Variants in PRPF39 observed in about 807,000 individuals in gnomAD.
PRPF39 encodes the protein pre-mRNA processing factor 39.
A neutral mutation model predicts 82.1 loss-of-function variants in PRPF39; 27 were observed. The observed-to-expected ratio is 0.33, with a 90% CI of 0.24 to 0.45. The LOEUF (loss-of-function observed/expected upper bound fraction) is 0.45, where lower values mean the gene tolerates loss of function less well. Ranked by LOEUF, PRPF39 falls within the 20% of genes least tolerant of loss-of-function variation. The probability of loss-of-function intolerance (pLI) is 1.00; values close to 1 mark genes in which losing one functional copy is unlikely to be tolerated. For missense variants in PRPF39, 581 were observed against 796.9 expected, an observed-to-expected ratio of 0.73 and a Z score of 3.26; for synonymous variants, 261 against 256.4, an observed-to-expected ratio of 1.02 and a Z score of -0.17.
chr14:45,102,167 T>A (rs1056629543), intron 4 of PRPF39, among the ~76,000 whole-genome samples: 3 of 152,190 alleles, frequency 2.0e-5, no homozygotes, highest in Non-Finnish European at 4.4e-5. Context: ...TTGCCTCTCT[T>A]TAACTTCCTA....
intron 4 of PRPF39, among the ~76,000 whole-genome samples, chr14:45,099,508 G>T (rs940196351): frequency 2.6e-5 from 4 of 151,610 alleles, no homozygotes; most frequent in African/African-American, 7.3e-5. Flanking sequence ...GCAGTGGCTC[G>T]ATCTCGGCTC....
rs751166406 is a variant in PRPF39 at position 45,114,171 on chromosome 14, C to A, written c.1758-12C>A. 48 of 1,545,916 alleles carry A rather than the reference C, an allele frequency of 3.1e-5. 2 individuals are homozygous for A. The South Asian group carries it at 4.5e-4, about 14-fold the overall frequency. ...TGTATATTCCAGAGGATATTTTTTT[C>A]TTTCCTTTCAGGCTTCTGAATGCTT... On this transcript the variant is annotated splice_polypyrimidine_tract_variant and intron_variant, in intron 11 of 13. Coordinates refer to ENST00000355765, the MANE Select transcript of PRPF39 (RefSeq NM_017922.4).
At position 45,096,295 on chromosome 14, in the gene PRPF39, ATTTTTTTT is replaced by A. The variant is rs374922767; in HGVS notation, c.450+81_450+88del. 2,275 of 1,289,432 alleles carry A rather than the reference ATTTTTTTT, an allele frequency of 1.8e-3. 18 individuals are homozygous for A. In the African/African-American group the frequency reaches 0.028, roughly 16 times the overall value. 79.9% of individuals were successfully genotyped at this position (1,289,432 alleles called of 1,614,324 possible). A position where few individuals can be genotyped will look rare whatever the true frequency, so the allele number is the denominator to read the frequency against. On this transcript the variant is annotated intron_variant, in intron 3 of 13. Transcript: ENST00000355765. ...TAAGCCAATTAATAACAAAACAAAGATTTTTTTTTTTTTTTTTTTTTGGCTGGCAGTAC... is the reference window on the plus strand; with the variant it reads ...TAAGCCAATTAATAACAAAACAAAGATTTTTTTTTTTTTGGCTGGCAGTAC...
At chr14:45,092,369 G>A (rs1010217926) in intron 1 of PRPF39, among the ~76,000 whole-genome samples, 2 of 152,088 alleles carry the variant, frequency 1.3e-5, no homozygotes, top group Admixed American at 1.3e-4. Context: ...TTGGGAGGCC[G>A]AGGCAGGCGG....
intron 1 of PRPF39, among the ~76,000 whole-genome samples, chr14:45,085,152 G>A (rs1883781494): frequency 6.6e-6 from 1 of 152,124 alleles, no homozygotes; most frequent in South Asian, 2.1e-4. Context: ...TAGGCTGTAT[G>A]GGAGCTTGAA....
rs71412984 is a variant in PRPF39, at chr14:45,097,891, C to T, written c.569+886C>T. Among the ~76,000 whole-genome samples the T allele has an allele frequency of 3.7e-3, 563 of 152,248 alleles. 1 individual carries two copies. Among genetic ancestry groups the T allele is most frequent in the Non-Finnish European group, 5.9e-3 (398 of 68,004 alleles). On this transcript the variant is annotated intron_variant, in intron 4 of 13. Transcript: ENST00000355765. Reference sequence around the variant, plus strand: ...CTTGTAACAAAAAGTACCACCTCCACCTCCCTTCAAATATTTTAGCTCTTT... The same window carrying T: ...CTTGTAACAAAAAGTACCACCTCCATCTCCCTTCAAATATTTTAGCTCTTT...
chr14:45,095,598 A>G (rs760106849), intron 2 of PRPF39, 35 bp downstream of exon 2: 4 of 1,508,136 alleles, frequency 2.7e-6, no homozygotes, highest in Non-Finnish European at 1.8e-6. Flanking sequence ...AGAAGGGACA[A>G]ATTAATCAAG....
intron 13 of PRPF39, 110 bp downstream of exon 13, chr14:45,114,724 T>C (rs1412589176): frequency 1.4e-6 from 2 of 1,419,030 alleles, no homozygotes; most frequent in Admixed American, 4.3e-5. Context: ...ATACATTCTT[T>C]GGTGGTTAAG....
chr14:45,111,933 C>A (rs759100886), intron 10 of PRPF39, among the ~76,000 whole-genome samples: 1 of 151,990 alleles, frequency 6.6e-6, no homozygotes, highest in African/African-American at 2.4e-5. Context: ...CCACCACGCC[C>A]GGTTAAGATG....
At chr14:45,089,274 TGTA>T in intron 1 of PRPF39, among the ~76,000 whole-genome samples, 1 of 152,218 alleles carries the variant, frequency 6.6e-6, no homozygotes, top group East Asian at 1.9e-4. Context: ...AATTTTTACA[TGTA>T]GTATAAGACC....
chr14:45,112,567 TTGA>T (rs1884726956), intron 11 of PRPF39, 65 bp downstream of exon 11: 4 of 1,368,606 alleles, frequency 2.9e-6, no homozygotes, highest in African/African-American at 1.5e-5. Flanking sequence ...GTATGGGGAT[TTGA>T]TGATTAGTAT....
intron 4 of PRPF39, among the ~76,000 whole-genome samples, chr14:45,099,253 G>C (rs1475580578): frequency 6.6e-6 from 1 of 151,944 alleles, no homozygotes; most frequent in Non-Finnish European, 1.5e-5. Flanking sequence ...TTATTATTAT[G>C]GATATTCTTA....
Position 45,110,998 on chromosome 14 carries a change from T to C in PRPF39, c.1572+181T>C. ...AAAATTTTTTTCAAATTGTTTTGAATTAAAAGTTTTAGACATTAAGATTAT... is the reference window on the plus strand; with the variant it reads ...AAAATTTTTTTCAAATTGTTTTGAACTAAAAGTTTTAGACATTAAGATTAT... On this transcript the variant is annotated intron_variant, in intron 10 of 13. Coordinates refer to ENST00000355765, the MANE Select transcript of PRPF39 (RefSeq NM_017922.4). The surrounding 1 kb of genome is among the most constrained non-coding windows in gnomAD (Gnocchi z 4.0). 1.7e-6 allele frequency: 1 copy of C among 604,328 alleles called. No individual in the cohort carries two copies. Among genetic ancestry groups the C allele is most frequent in the Non-Finnish European group, 2.8e-6 (1 of 353,288 alleles). The allele number at this position is 604,328 out of a possible 1,614,324, so 37.4% of individuals were successfully genotyped here. A position where few individuals can be genotyped will look rare whatever the true frequency, so the allele number is the denominator to read the frequency against.
chr14:45,102,680 A>G lies in PRPF39; in HGVS notation c.721A>G (p.Ser241Gly), dbSNP rs773536497. ...RILGIPTQLY[S>G]HHFQRFKEHV... ...TCTTGGTATTCCAACACAGCTGTATAGTCATCATTTTCAGAGGTAGGTGGG... is the reference window on the plus strand; with the variant it reads ...TCTTGGTATTCCAACACAGCTGTATGGTCATCATTTTCAGAGGTAGGTGGG... Residue 241 changes from serine to glycine, a missense_variant, in exon 5 of 14, where the codon AGT becomes GGT. By Grantham distance (56) the Ser-to-Gly change is moderately conservative (BLOSUM62 0). Coordinates refer to ENST00000355765, the MANE Select transcript of PRPF39 (RefSeq NM_017922.4). 1 of 1,600,160 alleles carries G rather than the reference A, an allele frequency of 6.2e-7. No individual in the cohort carries two copies. Among genetic ancestry groups the G allele is most frequent in the Admixed American group, 1.8e-5 (1 of 55,968 alleles).
At chr14:45,090,413 A>G (rs1047038416) in intron 1 of PRPF39, among the ~76,000 whole-genome samples, 5 of 152,134 alleles carry the variant, frequency 3.3e-5, no homozygotes, top group African/African-American at 1.2e-4. Context: ...TCTTTTGTCC[A>G]TAATATGGCT....
At chr14:45,112,930 C>G (rs1323747637) in intron 11 of PRPF39, among the ~76,000 whole-genome samples, 2 of 152,120 alleles carry the variant, frequency 1.3e-5, no homozygotes, top group Admixed American at 1.3e-4. Flanking sequence ...CAGAACATGC[C>G]TAGTGGCCTC....
chr14:45,097,663 TTA>T (rs1342829739), intron 4 of PRPF39, among the ~76,000 whole-genome samples: 1 of 152,262 alleles, frequency 6.6e-6, no homozygotes, highest in African/African-American at 2.4e-5. Flanking sequence ...TTTAATTTGT[TTA>T]TGTCTTGATT....
rs766569993 is a variant in PRPF39 at position 45,095,581 on chromosome 14, T to C, written c.324+18T>C. 6.4e-7 allele frequency: 1 copy of C among 1,556,198 alleles called. No individual in the cohort carries two copies. Among genetic ancestry groups the C allele is most frequent in the Non-Finnish European group, 8.7e-7 (1 of 1,150,218 alleles). ...AACAGGAGGTTAGTAACTATTAAAA[T>C]GGTATCAGAAGGGACAAATTAATCA... On this transcript the variant is annotated intron_variant, in intron 2 of 13. Coordinates refer to ENST00000355765, the MANE Select transcript of PRPF39 (RefSeq NM_017922.4).
Position 45,107,319 on chromosome 14 carries a change from A to G in PRPF39, c.738-132A>G, listed in dbSNP as rs994522550. ...ATGGTAGGATTTTACTATAGAAAAG[A>G]AGGAGAAAAGGTATGATATTTTGGT... On this transcript the variant is annotated intron_variant, in intron 5 of 13. Transcript: ENST00000355765. The G allele has an allele frequency of 1.6e-4, 102 of 657,676 alleles. 3 individuals are homozygous for G. The highest frequency in any genetic ancestry group is 1.4e-3 in the South Asian group (63 of 43,598). 40.7% of individuals were successfully genotyped at this position (657,676 alleles called of 1,614,324 possible). A position where few individuals can be genotyped will look rare whatever the true frequency, so the allele number is the denominator to read the frequency against.
Sources: allele counts gnomAD v4.1 joint callset (sites outside exome capture counted in the v4.1 genomes callset), GRCh38; gene constraint gnomAD v4.1.1; non-coding constraint Gnocchi (gnomAD v3.1); transcripts MANE v1.5; gene names NCBI Gene and HGNC (gene_info 2026-07-23, HGNC 2026-07-21).